The following CHD9 variants were observed in gnomAD, a reference collection of about 807,000 sequenced individuals.
CHD9 encodes the protein chromodomain helicase DNA binding protein 9.
In CHD9, 77 loss-of-function variants were observed where a neutral mutation model predicts 316.1. The observed-to-expected ratio is 0.24, with a 90% CI of 0.20 to 0.29. CHD9 has a LOEUF of 0.29. Ranked by LOEUF, CHD9 falls within the 10% of genes least tolerant of loss-of-function variation. The pLI is 1.00. For synonymous variants in CHD9, 1,129 were observed against 1,158.3 expected, an observed-to-expected ratio of 0.97 and a Z score of 0.51; for missense variants, 2,763 against 3,438.1, an observed-to-expected ratio of 0.80 and a Z score of 4.91.
At chr16:53,311,107 T>C (rs886256585) in intron 34 of CHD9, 4 of 150,298 alleles carry the variant, frequency 2.7e-5, no homozygotes, top group African/African-American at 9.8e-5. Flanking sequence ...GATCACTTGA[T>C]CTCAGGAGGA....
At chr16:53,146,378 G>T (rs1459202985) in intron 1 of CHD9, among the ~76,000 whole-genome samples, 1 of 97,732 alleles carries the variant, frequency 1.0e-5, no homozygotes, top group African/African-American at 4.1e-5. Context: ...GGGTGACAGT[G>T]AGACTCTGTC....
At chr16:53,244,576 G>C (rs892472718) in intron 13 of CHD9, among the ~76,000 whole-genome samples, 2 of 152,108 alleles carry the variant, frequency 1.3e-5, no homozygotes, top group African/African-American at 4.8e-5. Context: ...AGAGTTAAAT[G>C]ATGATCATCC....
At position 53,303,883 on chromosome 16, in the gene CHD9, C is replaced by T. The variant is rs2153080635; in HGVS notation, c.5877C>T (p.Val1959=). The part of the protein sequence containing the change: ...KLCHPNPDLP[V]WWECGPHDRD... Reference sequence around the variant, plus strand: ...GCCATCCAAATCCAGATTTACCAGTCTGGTGGGAATGTGGCCCTCATGATA... The same window carrying T: ...GCCATCCAAATCCAGATTTACCAGTTTGGTGGGAATGTGGCCCTCATGATA... Residue 1959 remains valine, a synonymous_variant, in exon 31 of 39, where the codon GTC becomes GTT. Coordinates refer to ENST00000447540, the MANE Select transcript of CHD9 (RefSeq NM_001308319.2). 1.2e-6 allele frequency: 2 copies of T among 1,614,000 alleles called. No individual in the cohort carries two copies. Among genetic ancestry groups the T allele is most frequent in the Non-Finnish European group, 1.7e-6 (2 of 1,179,884 alleles).
At position 53,324,934 on chromosome 16, in the gene CHD9, A is replaced by C; in HGVS notation, c.*39A>C. ...CACTTAAAATATGAACTGATTTTGGATTTTTTCTTTAATAATTAATTGTAA... is the reference window on the plus strand; with the variant it reads ...CACTTAAAATATGAACTGATTTTGGCTTTTTTCTTTAATAATTAATTGTAA... On this transcript the variant is annotated 3_prime_UTR_variant, in exon 39 of 39. Coordinates refer to ENST00000447540, the MANE Select transcript of CHD9 (RefSeq NM_001308319.2). 1 of 1,493,818 alleles carries C rather than the reference A, an allele frequency of 6.7e-7. No homozygotes were observed. Among genetic ancestry groups the C allele is most frequent in the Non-Finnish European group, 8.9e-7 (1 of 1,120,898 alleles). 92.5% of individuals were successfully genotyped at this position (1,493,818 alleles called of 1,614,324 possible).
chr16:53,083,928 T>A (rs148618116), intron 1 of CHD9, among the ~76,000 whole-genome samples: 285 of 152,028 alleles, frequency 1.9e-3, no homozygotes, highest in African/African-American at 6.1e-3. Context: ...TTTTTTTTTT[T>A]AATTGAGATA....
chr16:53,140,954 C>G (rs1080313), intron 1 of CHD9, among the ~76,000 whole-genome samples: 47,144 of 152,086 alleles, frequency 0.31, 7,469 homozygotes, highest in Middle Eastern at 0.36. Context: ...AAATGGCTAT[C>G]TGCAGAGGGA....
chr16:53,131,093 G>GCCCGCCGCTGCCACCCACCT (rs2039254369), intron 1 of CHD9: 1 of 153,362 alleles, frequency 6.5e-6, no homozygotes, highest in African/African-American at 2.4e-5. Flanking sequence ...GCCACCCACC[G>GCCCGCCGCTGCCACCCACCT]CCTCGGGCGT....
chr16:53,308,537 T>G, intron 33 of CHD9, 149 bp from the exon 34 acceptor site: 1 of 621,740 alleles, frequency 1.6e-6, no homozygotes, highest in Non-Finnish European at 2.8e-6. Context: ...AATGTTTTTA[T>G]TTGACTGATT....
intron 11 of CHD9, 38 bp from the exon 12 acceptor site, chr16:53,238,305 C>A (rs1236932870): frequency 5.9e-6 from 9 of 1,517,618 alleles, no homozygotes; most frequent in East Asian, 2.3e-5. Flanking sequence ...AGAAAAAAAA[C>A]CCAATGTATG....
At chr16:53,201,307 T>G (rs575447329) in intron 2 of CHD9, among the ~76,000 whole-genome samples, 2 of 152,340 alleles carry the variant, frequency 1.3e-5, no homozygotes, top group Non-Finnish European at 2.9e-5. Flanking sequence ...GTAAAATAGA[T>G]TAAATACTAT....
rs1195811638 is a variant in CHD9, at chr16:53,261,359, C to CTTT, written c.4210-1604_4210-1602dup. On this transcript the variant is annotated intron_variant, in intron 19 of 38. Coordinates refer to ENST00000447540, the MANE Select transcript of CHD9 (RefSeq NM_001308319.2). ...GCCTTTTAATTTTTGGTGTTTTAGACTTTTTTTTTTTTTTTTTTTTTTTTT... is the reference window on the plus strand; with the variant it reads ...GCCTTTTAATTTTTGGTGTTTTAGACTTTTTTTTTTTTTTTTTTTTTTTTTTTT... 4.4e-3 allele frequency among the ~76,000 whole-genome samples: 272 copies of CTTT among 61,876 alleles called. 29 individuals carry two copies. The highest frequency in any genetic ancestry group is 0.013 in the African/African-American group (195 of 15,482). 40.6% of individuals were successfully genotyped at this position (61,876 alleles called of 152,430 possible).
rs754659597 is a variant in CHD9, at chr16:53,324,341, C to T, written c.8140C>T (p.Leu2714=). ...AAACATGGCTGCTATGTTCCCCATG[C>T]TGCTGTCAGGAATGGCTGGATTACC... ...AKNMAAMFPM[L]LSGMAGLPNL... The change falls in exon 39 of 39, where the codon CTG becomes TTG. Residue 2714 remains leucine, a synonymous_variant. Coordinates refer to ENST00000447540, the MANE Select transcript of CHD9 (RefSeq NM_001308319.2). The T allele has an allele frequency of 3.1e-6, 5 of 1,614,000 alleles. No homozygotes were observed. Among genetic ancestry groups the T allele is most frequent in the Non-Finnish European group, 3.4e-6 (4 of 1,179,872 alleles).
chr16:53,248,475 TTTTTA>T (rs1206136087), intron 16 of CHD9, among the ~76,000 whole-genome samples: 1 of 151,654 alleles, frequency 6.6e-6, no homozygotes, highest in Non-Finnish European at 1.5e-5. Context: ...AGCTATAGAT[TTTTTA>T]TTTTATTTTT....
rs1045003395 is a variant in CHD9, at chr16:53,326,590, T to C, written c.*1695T>C. The stretch of plus-strand genomic sequence containing the variant: ...TTTGTATTTTCCCAAAATAGTACTT[T>C]GAATTGATAGTCCTTTATGCAATGT... On this transcript the variant is annotated 3_prime_UTR_variant, in exon 39 of 39. Transcript: ENST00000447540. 1 of 152,470 alleles carries C rather than the reference T, an allele frequency of 6.6e-6. No homozygotes were observed. The highest frequency in any genetic ancestry group is 2.1e-4 in the South Asian group (1 of 4,836). 9.4% of individuals were successfully genotyped at this position (152,470 alleles called of 1,614,324 possible). A position where few individuals can be genotyped will look rare whatever the true frequency, so the allele number is the denominator to read the frequency against.
At position 53,157,327 on chromosome 16, in the gene CHD9, G is replaced by A. The variant is rs768476439; in HGVS notation, c.1238G>A (p.Gly413Asp). 1.2e-6 allele frequency: 2 copies of A among 1,613,590 alleles called. No individual in the cohort carries two copies. Among genetic ancestry groups the A allele is most frequent in the Admixed American group, 1.7e-5 (1 of 59,958 alleles). The change falls in exon 2 of 39, where the codon GGT becomes GAT. Residue 413 changes from glycine (G) to aspartate (D), a missense_variant. Around this residue, in one of 15 missense-constraint regions of CHD9, gnomAD observed 859 missense variants for 890.4 expected, o/e 0.96. Coordinates refer to ENST00000447540, the MANE Select transcript of CHD9 (RefSeq NM_001308319.2). ...GLDPEDLLQEGLLPHFDESTF... is the reference protein window; with the variant it reads ...GLDPEDLLQEDLLPHFDESTF... ...GACCCCGAGGACCTCCTTCAGGAGG[G>A]TCTTCTTCCTCACTTTGATGAGTCA...
chr16:53,233,931 A>C (rs1162963704), intron 10 of CHD9, among the ~76,000 whole-genome samples: 3 of 152,142 alleles, frequency 2.0e-5, no homozygotes, highest in Non-Finnish European at 4.4e-5. Context: ...TATTTCTCCT[A>C]CTGAGACCCT....
chr16:53,210,739 A>G (rs1003850147), intron 3 of CHD9, among the ~76,000 whole-genome samples: 3 of 152,108 alleles, frequency 2.0e-5, no homozygotes. Context: ...AATTGTTGAT[A>G]TATTATATAG....
chr16:53,163,727 C>T (rs2152762056), intron 2 of CHD9, among the ~76,000 whole-genome samples: 1 of 152,192 alleles, frequency 6.6e-6, no homozygotes, highest in Admixed American at 6.5e-5. Flanking sequence ...TTACTGAGAT[C>T]TGGAAAAATC....
intron 27 of CHD9, among the ~76,000 whole-genome samples, chr16:53,290,398 T>A (rs1408070188): frequency 6.6e-6 from 1 of 152,170 alleles, no homozygotes; most frequent in Non-Finnish European, 1.5e-5. Flanking sequence ...GTCTCTCTGG[T>A]TTGCTGTACT....
Sources: gnomAD v4.1 joint callset for allele counts (sites outside exome capture counted in the v4.1 genomes callset) on GRCh38, gnomAD v4.1.1 for gene constraint, gnomAD v4.1.1 regional missense constraint, MANE v1.5 for transcripts, NCBI Gene and HGNC (gene_info 2026-07-23, HGNC 2026-07-21) for gene names.